The following TJP2 variants were observed in gnomAD, a reference collection of about 807,000 sequenced individuals.
TJP2 encodes tight junction protein 2.
TJP2 carries 91 observed loss-of-function variants against 133.1 expected under a neutral mutation model. The ratio of observed to expected loss-of-function variants is 0.68; its 90% CI spans 0.58 to 0.81. The LOEUF (loss-of-function observed/expected upper bound fraction) is 0.81, where lower values mean the gene tolerates loss of function less well. TJP2 is among the 40% of genes least tolerant of loss of function. The pLI is 0.00. For missense variants in TJP2, 1,541 were observed against 1,565.6 expected (o/e 0.98, Z 0.26); for synonymous variants, 592 against 583.4 (o/e 1.01, Z -0.21).
intron 1 of TJP2, among the ~76,000 whole-genome samples, chr9:69,211,022 C>G (rs1827866794): frequency 6.6e-6 from 1 of 152,182 alleles, no homozygotes; most frequent in Admixed American, 6.5e-5. Context: ...CTGCACCCAG[C>G]CCTCTTCTAA....
Position 69,236,105 on chromosome 9 carries a change from C to A in TJP2, c.1858C>A (p.Pro620Thr). The change falls in exon 13 of 23, where the codon CCA becomes ACA. Residue 620 changes from proline to threonine, a missense_variant. Coordinates refer to ENST00000377245, the MANE Select transcript of TJP2 (RefSeq NM_004817.4). The stretch of plus-strand genomic sequence containing the variant: ...CCACTTTGAATGTGAGAAGGAAACT[C>A]CACAGAGCCTGGCCTTCACCAGAGG... ...RSHFECEKET[P>T]QSLAFTRGEV... The A allele has an allele frequency of 6.2e-7, 1 of 1,614,136 alleles. No homozygotes were observed. Among genetic ancestry groups the A allele is most frequent in the Admixed American group, 1.7e-5 (1 of 60,010 alleles).
intron 1 of TJP2, among the ~76,000 whole-genome samples, chr9:69,208,150 CAT>C: frequency 6.6e-6 from 1 of 152,320 alleles, no homozygotes; most frequent in East Asian, 1.9e-4. Context: ...GCTAAATATA[CAT>C]AGTTATGGTG....
At chr9:69,203,637 A>G (rs1827173900) in intron 1 of TJP2, among the ~76,000 whole-genome samples, 1 of 41,124 alleles carries the variant, frequency 2.4e-5, no homozygotes, top group Non-Finnish European at 4.9e-5. Context: ...TTTTTGAGAC[A>G]GGGTCTCGCT....
At chr9:69,181,577 G>A (rs191311422) in intron 1 of TJP2, among the ~76,000 whole-genome samples, 1 of 152,318 alleles carries the variant, frequency 6.6e-6, no homozygotes, top group Admixed American at 6.5e-5. Context: ...CAGAAAATGA[G>A]TAGTTACAGT....
chr9:69,180,773 C>T (rs938994277), intron 1 of TJP2, among the ~76,000 whole-genome samples: 1 of 152,222 alleles, frequency 6.6e-6, no homozygotes, highest in South Asian at 2.1e-4. Context: ...CTGGTGAGCT[C>T]AGTTTTAGCA....
At chr9:69,167,684 G>A (rs903441191) in intron 2 of TJP2, among the ~76,000 whole-genome samples, 3 of 151,940 alleles carry the variant, frequency 2.0e-5, no homozygotes, top group Non-Finnish European at 4.4e-5. Context: ...CTTGGCCAAC[G>A]TGGTGAAACT....
intron 21 of TJP2, among the ~76,000 whole-genome samples, chr9:69,252,320 A>G (rs1426792379): frequency 6.6e-6 from 1 of 152,148 alleles, no homozygotes; most frequent in East Asian, 1.9e-4. Context: ...CGTTCGGTTC[A>G]GCGGCATTAA....
At position 69,215,916 on chromosome 9, in the gene TJP2, C is replaced by T. The variant is rs115395622; in HGVS notation, c.115-423C>T. Among the ~76,000 whole-genome samples, 596 of 152,182 alleles carry T rather than the reference C, an allele frequency of 3.9e-3. 4 individuals carry two copies. Among genetic ancestry groups the T allele is most frequent in the African/African-American group, 0.013 (537 of 41,524 alleles). On this transcript the variant is annotated intron_variant, in intron 2 of 22. Transcript: ENST00000377245. ...AACTCTGTCTCTTAAAAAACAAATA[C>T]AATAAGGAAATCTGAAAATTAAAAA...
intron 14 of TJP2, 85 bp from the exon 15 acceptor site, chr9:69,237,793 A>G: frequency 1.0e-6 from 1 of 979,430 alleles, no homozygotes; most frequent in Non-Finnish European, 1.6e-6. Flanking sequence ...TAGTTATGTT[A>G]TCAAAAGCCC....
intron 19 of TJP2, chr9:69,248,756 A>T (rs1831112845): frequency 1.0e-6 from 1 of 995,556 alleles, no homozygotes; most frequent in Non-Finnish European, 1.2e-6. Context: ...ATCCACTGTG[A>T]TTAGATAGCT....
chr9:69,237,944 A>AT lies in TJP2; in HGVS notation c.2247dup (p.Glu750Ter). 6.2e-7 allele frequency: 1 copy of AT among 1,613,768 alleles called. No individual in the cohort carries two copies. Among genetic ancestry groups the AT allele is most frequent in the Non-Finnish European group, 8.5e-7 (1 of 1,179,728 alleles). On this transcript the variant is annotated frameshift_variant, in exon 15 of 23. Coordinates refer to ENST00000377245, the MANE Select transcript of TJP2 (RefSeq NM_004817.4). LOFTEE classifies it high-confidence loss of function. ...GATATAGCAATGGAAAAATTGGCTAATGAGTTACCTGACTGGTTTCAAACT... is the reference window on the plus strand; with the variant it reads ...GATATAGCAATGGAAAAATTGGCTAATTGAGTTACCTGACTGGTTTCAAACT...
chr9:69,230,352 G>C, intron 11 of TJP2, 120 bp downstream of exon 11: 1 of 1,288,388 alleles, frequency 7.8e-7, no homozygotes, highest in South Asian at 1.2e-5. Context: ...CTGCAAGTTT[G>C]TTGATGCCCA....
At chr9:69,232,098 A>G (rs1002541707) in intron 11 of TJP2, among the ~76,000 whole-genome samples, 2 of 152,184 alleles carry the variant, frequency 1.3e-5, no homozygotes, top group African/African-American at 2.4e-5. Flanking sequence ...GTGGATAAAA[A>G]GTCATGGTAT....
intron 1 of TJP2, among the ~76,000 whole-genome samples, chr9:69,192,298 A>T (rs1294866321): frequency 2.0e-5 from 3 of 151,966 alleles, no homozygotes; most frequent in Admixed American, 6.5e-5. Flanking sequence ...AGAAAAAAAA[A>T]ACTTTCATGT....
At chr9:69,182,763 C>G (rs1825602068) in intron 1 of TJP2, among the ~76,000 whole-genome samples, 1 of 150,532 alleles carries the variant, frequency 6.6e-6, no homozygotes, top group East Asian at 1.9e-4. Context: ...ACACACAAAT[C>G]TCAAGTAGAG....
chr9:69,254,742 G>C lies in TJP2; in HGVS notation c.*368G>C, dbSNP rs910742874. The C allele has an allele frequency of 3.8e-6, 2 of 528,688 alleles. No homozygotes were observed. The highest frequency in any genetic ancestry group is 6.6e-6 in the Non-Finnish European group (2 of 300,856). The allele number at this position is 528,688 out of a possible 1,614,324, so 32.7% of individuals were successfully genotyped here. On this transcript the variant is annotated 3_prime_UTR_variant, in exon 23 of 23. Coordinates refer to ENST00000377245, the MANE Select transcript of TJP2 (RefSeq NM_004817.4). Reference sequence around the variant, plus strand: ...ATAGCTGCCTTCAAGGACTGTTTCAGTGTGAGTCAGAATGTGAAAAAGGAA... The same window carrying C: ...ATAGCTGCCTTCAAGGACTGTTTCACTGTGAGTCAGAATGTGAAAAAGGAA...
At chr9:69,210,364 G>T (rs996354300) in intron 1 of TJP2, among the ~76,000 whole-genome samples, 1 of 137,634 alleles carries the variant, frequency 7.3e-6, no homozygotes, top group African/African-American at 2.7e-5. Context: ...AATGAATAGT[G>T]TATCCATCTC....
chr9:69,188,786 T>C lies in TJP2; in HGVS notation c.60+14354T>C, dbSNP rs117598805. On this transcript the variant is annotated intron_variant, in intron 1 of 22. Coordinates refer to ENST00000377245, the MANE Select transcript of TJP2 (RefSeq NM_004817.4). ...ATAGAAATATTAAGAATATGTCTTA[T>C]CATGTGAGAGTATTCTTTCTTCAAG... Among the ~76,000 whole-genome samples, 1,478 of 152,244 alleles carry C rather than the reference T, an allele frequency of 9.7e-3. 19 individuals are homozygous for C. Among genetic ancestry groups the C allele is most frequent in the African/African-American group, 0.029 (1,205 of 41,518 alleles).
Position 69,174,447 on chromosome 9 carries a change from G to C in TJP2, c.60+15G>C. Reference sequence around the variant, plus strand: ...GTTGGCTCCGCGTAAGTGCCTCCTTGTGCCGCGCGGTTGGGAGGAGGGTCG... The same window carrying C: ...GTTGGCTCCGCGTAAGTGCCTCCTTCTGCCGCGCGGTTGGGAGGAGGGTCG... On this transcript the variant is annotated intron_variant, in intron 1 of 22. Coordinates refer to ENST00000377245, the MANE Select transcript of TJP2 (RefSeq NM_004817.4). 6.5e-7 allele frequency: 1 copy of C among 1,549,676 alleles called. No homozygotes were observed. Among genetic ancestry groups the C allele is most frequent in the Non-Finnish European group, 8.7e-7 (1 of 1,146,566 alleles).
Sources: allele counts gnomAD v4.1 joint callset (sites outside exome capture counted in the v4.1 genomes callset), GRCh38; gene constraint gnomAD v4.1.1; transcripts MANE v1.5; gene names NCBI Gene and HGNC (gene_info 2026-07-23, HGNC 2026-07-21).